PRKN: variants seen among roughly 807,000 people sequenced by gnomAD.
PRKN encodes E3 ubiquitin-protein ligase parkin.
Under a neutral mutation model 59.5 loss-of-function variants are expected in PRKN, and 56 were observed. That is an observed-to-expected ratio of 0.94 (90% CI 0.76 to 1.18). The LOEUF (loss-of-function observed/expected upper bound fraction) is 1.18, where lower values mean the gene tolerates loss of function less well. PRKN is among the 50% of genes most tolerant of loss of function. The pLI is 0.00. For synonymous variants in PRKN, 250 were observed against 222.1 expected, an observed-to-expected ratio of 1.13 and a Z score of -1.12; for missense variants, 657 against 596.4, an observed-to-expected ratio of 1.10 and a Z score of -1.06.
At chr6:161,844,683 C>T (rs1032591935) in intron 6 of PRKN, among the ~76,000 whole-genome samples, 2 of 152,258 alleles carry the variant, frequency 1.3e-5, no homozygotes, top group African/African-American at 4.8e-5. Context: ...GCTGCTCCAC[C>T]TTTCCCCGAT....
chr6:162,589,787 T>C (rs1250422589), intron 1 of PRKN, among the ~76,000 whole-genome samples: 2 of 152,220 alleles, frequency 1.3e-5, no homozygotes, highest in Non-Finnish European at 2.9e-5. Flanking sequence ...CTCTGTTTGT[T>C]TTCTCACTTT....
At chr6:162,098,188 T>C (rs959682100) in intron 4 of PRKN, among the ~76,000 whole-genome samples, 1 of 152,090 alleles carries the variant, frequency 6.6e-6, no homozygotes, top group African/African-American at 2.4e-5. Context: ...TTTGTAAGAG[T>C]TGCTTTAGTT....
intron 2 of PRKN, among the ~76,000 whole-genome samples, chr6:162,398,052 A>AG (rs1787565202): frequency 6.6e-6 from 1 of 151,800 alleles, no homozygotes. Flanking sequence ...AAAAAAAAAA[A>AG]AAGAAAGATT....
intron 2 of PRKN, among the ~76,000 whole-genome samples, chr6:162,373,849 G>C (rs1785899091): frequency 6.6e-6 from 1 of 152,086 alleles, no homozygotes; most frequent in Non-Finnish European, 1.5e-5. Flanking sequence ...AACTAGAATA[G>C]GTTTAGAGAG....
chr6:162,639,359 A>G (rs1243051587), intron 1 of PRKN, among the ~76,000 whole-genome samples: 1 of 152,176 alleles, frequency 6.6e-6, no homozygotes, highest in Non-Finnish European at 1.5e-5. Flanking sequence ...GATCTTATAC[A>G]CTTAGTAATT....
At chr6:162,020,332 CAAAAAAAAAAAA>C (rs771141235) in intron 5 of PRKN, among the ~76,000 whole-genome samples, 2 of 45,510 alleles carry the variant, frequency 4.4e-5, no homozygotes, top group Non-Finnish European at 9.2e-5. Flanking sequence ...ACCAATGAAT[CAAAAAAAAAAAA>C]AAAAAAAAAA....
At chr6:162,629,311 T>C (rs367801230) in intron 1 of PRKN, among the ~76,000 whole-genome samples, 2 of 152,272 alleles carry the variant, frequency 1.3e-5, no homozygotes, top group Middle Eastern at 3.4e-3. Flanking sequence ...AACTAATACA[T>C]AATGCTTGAC....
intron 7 of PRKN, among the ~76,000 whole-genome samples, chr6:161,643,496 G>C (rs9456695): frequency 0.039 from 5,857 of 152,094 alleles, 403 homozygotes; most frequent in African/African-American, 0.14. Flanking sequence ...GTTTACTCTC[G>C]GAAAAATAAT....
At chr6:161,394,296 G>A (rs1786648670) in intron 9 of PRKN, among the ~76,000 whole-genome samples, 1 of 151,892 alleles carries the variant, frequency 6.6e-6, no homozygotes, top group South Asian at 2.1e-4. Context: ...TCTATGTGTG[G>A]TCTCCAAAGG....
chr6:161,797,773 A>G (rs995299375), intron 6 of PRKN, among the ~76,000 whole-genome samples: 5 of 152,236 alleles, frequency 3.3e-5, no homozygotes, highest in Non-Finnish European at 7.3e-5. Context: ...AATTTCTGGC[A>G]TATAGTAGAT....
intron 2 of PRKN, among the ~76,000 whole-genome samples, chr6:162,419,282 C>T (rs1392163099): frequency 6.6e-6 from 1 of 152,014 alleles, no homozygotes; most frequent in East Asian, 2.0e-4. Flanking sequence ...TGCTCTTCCT[C>T]AACAAAAGGC....
Position 161,592,836 on chromosome 6 carries a change from C to T in PRKN, c.872-23420G>A, listed in dbSNP as rs1315208124. Among the ~76,000 whole-genome samples, 3 of 152,068 alleles carry T rather than the reference C, an allele frequency of 2.0e-5. No homozygotes were observed. Among genetic ancestry groups the T allele is most frequent in the African/African-American group, 7.2e-5 (3 of 41,416 alleles). ...AGGATAGGAGGGCTGGCGGGAGAGG[C>T]AGGAGGTCACCGCAGGACCTGAAGG... On this transcript the variant is annotated intron_variant, in intron 7 of 11. Transcript: ENST00000366898. The surrounding 1 kb of genome is among the most constrained non-coding windows in gnomAD (Gnocchi z 4.8).
At chr6:162,686,676 T>C (rs1437900245) in intron 1 of PRKN, among the ~76,000 whole-genome samples, 1 of 152,110 alleles carries the variant, frequency 6.6e-6, no homozygotes, top group African/African-American at 2.4e-5. Flanking sequence ...CTTTGGGAAG[T>C]CAAGCTGGGT....
At chr6:162,210,115 A>AATAAAATAAAATAAC (rs1327405805) in intron 3 of PRKN, among the ~76,000 whole-genome samples, 2 of 151,302 alleles carry the variant, frequency 1.3e-5, no homozygotes, top group Non-Finnish European at 2.9e-5. Context: ...TAAAAAATAA[A>AATAAAATAAAATAAC]ATAAAATAAA....
chr6:162,045,696 C>T (rs554817531), intron 5 of PRKN, among the ~76,000 whole-genome samples: 37 of 152,298 alleles, frequency 2.4e-4, no homozygotes, highest in Admixed American at 9.8e-4. Flanking sequence ...CCTTAATGAC[C>T]GCCATCAAGG....
chr6:161,717,581 A>AGG (rs1294787799), intron 7 of PRKN, among the ~76,000 whole-genome samples: 2 of 152,200 alleles, frequency 1.3e-5, no homozygotes, highest in Non-Finnish European at 2.9e-5. Flanking sequence ...GGGGCGGTAG[A>AGG]GGGAAATGTC....
At chr6:162,581,877 T>C (rs1780806428) in intron 1 of PRKN, among the ~76,000 whole-genome samples, 1 of 152,194 alleles carries the variant, frequency 6.6e-6, no homozygotes, top group Non-Finnish European at 1.5e-5. Flanking sequence ...CTTTGGAATA[T>C]AGTTATGAGA....
chr6:161,854,084 TAA>T (rs34040894), intron 6 of PRKN, among the ~76,000 whole-genome samples: 16 of 103,636 alleles, frequency 1.5e-4, no homozygotes, highest in East Asian at 5.3e-4. Context: ...TGTTTCTACA[TAA>T]AAAAAAAAAA....
chr6:162,155,436 T>C (rs975398873), intron 4 of PRKN, among the ~76,000 whole-genome samples: 11 of 152,178 alleles, frequency 7.2e-5, no homozygotes, highest in African/African-American at 2.4e-4. Context: ...AGTTGAATTT[T>C]CTTTTTAAGC....
Sources: allele counts gnomAD v4.1 joint callset (sites outside exome capture counted in the v4.1 genomes callset), GRCh38; gene constraint gnomAD v4.1.1; non-coding constraint Gnocchi (gnomAD v3.1); transcripts MANE v1.5; gene names NCBI Gene and HGNC (gene_info 2026-07-23, HGNC 2026-07-21).